DNAJC1: variants seen among roughly 807,000 people sequenced by gnomAD.
The protein encoded by DNAJC1 is DnaJ heat shock protein family (Hsp40) member C1.
A neutral mutation model predicts 76.6 loss-of-function variants in DNAJC1; 58 were observed. The ratio of observed to expected loss-of-function variants is 0.76; its 90% CI spans 0.61 to 0.94. The LOEUF is 0.94. Among genes scored for constraint, DNAJC1 ranks in the 40% least tolerant of loss-of-function variants. DNAJC1 has a pLI of 0.00. For synonymous variants in DNAJC1, 258 were observed against 267.9 expected, an observed-to-expected ratio of 0.96 and a Z score of 0.36; for missense variants, 689 against 677.3, an observed-to-expected ratio of 1.02 and a Z score of -0.19.
intron 8 of DNAJC1, among the ~76,000 whole-genome samples, chr10:21,824,604 G>A (rs911506983): frequency 6.6e-6 from 1 of 152,142 alleles, no homozygotes; most frequent in Non-Finnish European, 1.5e-5. Context: ...GGACGGTGAT[G>A]GAAGTCTTAT....
At chr10:21,780,130 G>C (rs1834507675) in intron 9 of DNAJC1, among the ~76,000 whole-genome samples, 1 of 152,208 alleles carries the variant, frequency 6.6e-6, no homozygotes, top group South Asian at 2.1e-4. Context: ...TGGTGTACCT[G>C]AAAGTGACGG....
chr10:21,811,578 T>G (rs1240898380), intron 8 of DNAJC1, among the ~76,000 whole-genome samples: 1 of 152,324 alleles, frequency 6.6e-6, no homozygotes, highest in Non-Finnish European at 1.5e-5. Flanking sequence ...AATTAAACTT[T>G]TAGTCTTTTA....
At chr10:21,940,251 C>T (rs749477583) in intron 1 of DNAJC1, among the ~76,000 whole-genome samples, 1 of 152,154 alleles carries the variant, frequency 6.6e-6, no homozygotes, top group African/African-American at 2.4e-5. Context: ...TAGTTTACTT[C>T]ATGATAAATT....
At chr10:21,761,245 G>C (rs1834236756) in intron 10 of DNAJC1, among the ~76,000 whole-genome samples, 1 of 152,008 alleles carries the variant, frequency 6.6e-6, no homozygotes, top group Admixed American at 6.6e-5. Context: ...CCTCTTTATA[G>C]TAGGCTTTTA....
intron 10 of DNAJC1, among the ~76,000 whole-genome samples, chr10:21,764,751 T>C (rs527297340): frequency 6.6e-6 from 1 of 152,336 alleles, no homozygotes; most frequent in African/African-American, 2.4e-5. Flanking sequence ...AAAAACAAAA[T>C]AAAACACATA....
At chr10:21,763,900 G>A (rs1340432051) in intron 10 of DNAJC1, among the ~76,000 whole-genome samples, 2 of 152,158 alleles carry the variant, frequency 1.3e-5, no homozygotes, top group African/African-American at 4.8e-5. Flanking sequence ...GGAAACGTTG[G>A]TGCCCTATGT....
intron 9 of DNAJC1, among the ~76,000 whole-genome samples, chr10:21,789,405 A>G (rs1834653566): frequency 6.6e-6 from 1 of 152,202 alleles, no homozygotes; most frequent in South Asian, 2.1e-4. Flanking sequence ...GCCACTCTAG[A>G]AAGTTTGGAA....
intron 1 of DNAJC1, among the ~76,000 whole-genome samples, chr10:21,971,469 C>CA (rs1315086814): frequency 6.6e-6 from 1 of 151,426 alleles, no homozygotes; most frequent in Non-Finnish European, 1.5e-5. Context: ...TATGAGAAAT[C>CA]AAAAAAGCAA....
At chr10:21,829,317 C>G (rs1298999174) in intron 8 of DNAJC1, among the ~76,000 whole-genome samples, 3 of 152,036 alleles carry the variant, frequency 2.0e-5, no homozygotes, top group Admixed American at 2.0e-4. Flanking sequence ...GGGTTCACAC[C>G]ATTCTCCTGC....
chr10:21,856,631 T>C (rs1835837606), intron 8 of DNAJC1, among the ~76,000 whole-genome samples: 1 of 152,130 alleles, frequency 6.6e-6, no homozygotes, highest in African/African-American at 2.4e-5. Flanking sequence ...AACACACTCA[T>C]GGTATATTCT....
Position 21,928,521 on chromosome 10 carries a change from T to C in DNAJC1, c.356A>G (p.Asp119Gly). 1 of 1,613,260 alleles carries C rather than the reference T, an allele frequency of 6.2e-7. No individual in the cohort carries two copies. Among genetic ancestry groups the C allele is most frequent in the Non-Finnish European group, 8.5e-7 (1 of 1,179,446 alleles). Reference sequence around the variant, plus strand: ...GAACACTCACCTCTGCCTTCGTTCATCATCCTTTAAAACTTCATAAATGGC... The same window carrying C: ...GAACACTCACCTCTGCCTTCGTTCACCATCCTTTAAAACTTCATAAATGGC... Reference protein sequence around the residue: ...LVAIYEVLKDDERRQRYDDIL... With the variant: ...LVAIYEVLKDGERRQRYDDIL... The change falls in exon 3 of 12, where the codon GAT (aspartate) becomes GGT (glycine). Residue 119 changes from aspartate to glycine, a missense_variant. By Grantham distance (94) the Asp-to-Gly change is moderately conservative (BLOSUM62 -1). Coordinates refer to ENST00000376980, the MANE Select transcript of DNAJC1 (RefSeq NM_022365.4).
intron 1 of DNAJC1, among the ~76,000 whole-genome samples, chr10:21,940,621 A>T (rs1477071924): frequency 6.6e-6 from 1 of 152,220 alleles, no homozygotes; most frequent in East Asian, 1.9e-4. Flanking sequence ...TAGTATCTAA[A>T]TAAATTTAGA....
At chr10:21,760,428 C>T (rs1055008936) in intron 10 of DNAJC1, among the ~76,000 whole-genome samples, 1 of 152,216 alleles carries the variant, frequency 6.6e-6, no homozygotes, top group African/African-American at 2.4e-5. Context: ...GGAAGAACTA[C>T]AGTAGCTGAT....
At chr10:21,864,572 A>G (rs753592552) in intron 8 of DNAJC1, among the ~76,000 whole-genome samples, 4 of 152,044 alleles carry the variant, frequency 2.6e-5, no homozygotes, top group African/African-American at 4.8e-5. Flanking sequence ...CAGTGAACCG[A>G]TATCACGCCA....
intron 7 of DNAJC1, among the ~76,000 whole-genome samples, chr10:21,887,083 T>C (rs1312502634): frequency 6.6e-6 from 1 of 152,134 alleles, no homozygotes; most frequent in African/African-American, 2.4e-5. Flanking sequence ...CTAGCATTCC[T>C]ATACTCCAAC....
At chr10:21,969,570 A>G (rs1286092486) in intron 1 of DNAJC1, among the ~76,000 whole-genome samples, 1 of 152,186 alleles carries the variant, frequency 6.6e-6, no homozygotes, top group African/African-American at 2.4e-5. Flanking sequence ...TGATTTCACA[A>G]TGTATTTTCA....
Position 21,795,835 on chromosome 10 carries a change from T to A in DNAJC1, c.1098+10145A>T, listed in dbSNP as rs1244200750. 2.0e-5 allele frequency among the ~76,000 whole-genome samples: 3 copies of A among 152,304 alleles called. No individual in the cohort carries two copies. The East Asian group carries it at 5.8e-4, about 29-fold the overall frequency. On this transcript the variant is annotated intron_variant, in intron 9 of 11. Transcript: ENST00000376980. ...GGCAACCACCATTCTATTTTTTGCT[T>A]CTGTGAATCTGGTTATTTTAGATAA...
intron 8 of DNAJC1, among the ~76,000 whole-genome samples, chr10:21,837,004 C>G (rs1005314718): frequency 1.3e-5 from 2 of 152,234 alleles, no homozygotes; most frequent in African/African-American, 4.8e-5. Flanking sequence ...TCACTGCAAC[C>G]TCCCTGCCTG....
intron 7 of DNAJC1, among the ~76,000 whole-genome samples, chr10:21,896,725 A>G (rs1267350491): frequency 6.6e-6 from 1 of 151,944 alleles, no homozygotes; most frequent in Non-Finnish European, 1.5e-5. Context: ...AGAAGGATAT[A>G]AATTTTGGAA....
Sources: gnomAD v4.1 joint callset for allele counts (sites outside exome capture counted in the v4.1 genomes callset) on GRCh38, gnomAD v4.1.1 for gene constraint, MANE v1.5 for transcripts, NCBI Gene and HGNC (gene_info 2026-07-23, HGNC 2026-07-21) for gene names.